RBFA: variants seen among roughly 807,000 people sequenced by gnomAD.
The protein encoded by RBFA is putative ribosome-binding factor A, mitochondrial.
Under a neutral mutation model 27.9 loss-of-function variants are expected in RBFA, and 16 were observed. The observed-to-expected ratio is 0.57, with a 90% CI of 0.39 to 0.87. RBFA has a LOEUF of 0.87. Among genes scored for constraint, RBFA ranks in the 40% least tolerant of loss-of-function variants. RBFA has a pLI of 0.00. For synonymous variants in RBFA, 181 were observed against 181.0 expected, an observed-to-expected ratio of 1.00 and a Z score of 0.00; for missense variants, 456 against 432.1, an observed-to-expected ratio of 1.06 and a Z score of -0.49.
At position 80,045,689 on chromosome 18, in the gene RBFA, G is replaced by C. The variant is rs150971697; in HGVS notation, c.651-85G>C. 11,967 of 1,422,002 alleles carry C rather than the reference G, an allele frequency of 8.4e-3. 66 individuals are homozygous for C. Among genetic ancestry groups the C allele is most frequent in the Non-Finnish European group, 9.5e-3 (10,119 of 1,070,194 alleles). 88.1% of individuals were successfully genotyped at this position (1,422,002 alleles called of 1,614,324 possible). ...TCTCAGGCGAGTAGATGTAGGAAGT[G>C]TGATGTGCTGTTGTGTTGTGGCGAC... is the stretch of plus-strand genomic sequence containing the variant. On this transcript the variant is annotated intron_variant, in intron 6 of 6. Coordinates refer to ENST00000306735, the MANE Select transcript of RBFA (RefSeq NM_024805.3).
intron 5 of RBFA, among the ~76,000 whole-genome samples, chr18:80,043,457 C>A (rs2052029918): frequency 6.6e-6 from 1 of 152,194 alleles, no homozygotes; most frequent in African/African-American, 2.4e-5. Context: ...CAGTTCAGGT[C>A]ATGGCAGTGT....
At chr18:80,036,787 G>A in intron 2 of RBFA, 77 bp downstream of exon 2, 1 of 1,069,932 alleles carries the variant, frequency 9.3e-7, no homozygotes, top group Admixed American at 1.9e-5. Context: ...CTTACCTGGA[G>A]GTCTTTCCAT....
rs186528215 is a variant in RBFA, at chr18:80,034,683, G to A, written c.158+30G>A. The A allele has an allele frequency of 2.9e-5, 46 of 1,603,906 alleles. No individual in the cohort carries two copies. The East Asian group carries it at 9.9e-4, about 34-fold the overall frequency. On this transcript the variant is annotated intron_variant, in intron 1 of 6. Transcript: ENST00000306735. Reference sequence around the variant, plus strand: ...TGCGGCGGGGGCGGTGTCCCTGGGCGCGGTATTCCCTAGGGGGCGGTGTCC... The same window carrying A: ...TGCGGCGGGGGCGGTGTCCCTGGGCACGGTATTCCCTAGGGGGCGGTGTCC...
intron 6 of RBFA, among the ~76,000 whole-genome samples, chr18:80,044,546 A>G (rs902022370): frequency 1.3e-5 from 2 of 152,222 alleles, no homozygotes; most frequent in Non-Finnish European, 2.9e-5. Flanking sequence ...CTCTTCGTTC[A>G]TTCAACACAT....
At position 80,034,555 on chromosome 18, in the gene RBFA, T is replaced by C; in HGVS notation, c.60T>C (p.Arg20=). The part of the protein sequence containing the change: ...RSRAGLRALF[R]SRDAALFPGC... ...GCGCGGGTCTCCGGGCCCTGTTCCG[T>C]AGCCGCGATGCTGCGCTATTTCCAG... Residue 20 remains arginine, a synonymous_variant, in exon 1 of 7, where the codon CGT becomes CGC. Transcript: ENST00000306735. The C allele has an allele frequency of 6.2e-7, 1 of 1,608,718 alleles. No homozygotes were observed. Among genetic ancestry groups the C allele is most frequent in the Non-Finnish European group, 8.5e-7 (1 of 1,178,946 alleles).
chr18:80,045,916 C>T lies in RBFA; in HGVS notation c.793C>T (p.Gln265Ter), dbSNP rs1305144212. The change falls in exon 7 of 7, where the codon CAG becomes TAG. Residue 265 changes from glutamine (Q) to a stop codon, truncating the protein, a stop_gained. Coordinates refer to ENST00000306735, the MANE Select transcript of RBFA (RefSeq NM_024805.3). LOFTEE classifies it low-confidence loss of function (END_TRUNC). The stretch of plus-strand genomic sequence containing the variant: ...TAAAGGGCTCGGGGGCCTGGTGTGG[C>T]AGGGGCAGGTGGCTGAGCTGACAAC... ...KDKGLGGLVW[Q>*]GQVAELTTQM... 6.2e-7 allele frequency: 1 copy of T among 1,613,402 alleles called. No individual in the cohort carries two copies. The highest frequency in any genetic ancestry group is 1.3e-5 in the African/African-American group (1 of 74,966).
At chr18:80,034,754 C>G in intron 1 of RBFA, 101 bp downstream of exon 1, 3 of 1,491,020 alleles carry the variant, frequency 2.0e-6, no homozygotes, top group Non-Finnish European at 2.7e-6. Flanking sequence ...CCCATGCGGC[C>G]TAGCTCGCCA....
rs181834098 is a variant in RBFA, at chr18:80,038,239, C to T, written c.379-266C>T. Among the ~76,000 whole-genome samples the T allele has an allele frequency of 2.0e-5, 3 of 152,214 alleles. No homozygotes were observed. The East Asian group carries it at 5.8e-4, about 29-fold the overall frequency. On this transcript the variant is annotated intron_variant, in intron 3 of 6. Transcript: ENST00000306735. ...TCAGGGCAAGTGGCTGTGAGGCAAG[C>T]GTGGGGTCAGGGTTCCGGTTTGGTT...
chr18:80,035,000 T>C, intron 1 of RBFA: 1 of 279,874 alleles, frequency 3.6e-6, no homozygotes, highest in Non-Finnish European at 6.7e-6. Flanking sequence ...GACTAAAGCT[T>C]GTCATGATAA....
intron 2 of RBFA, 165 bp from the exon 3 acceptor site, chr18:80,037,165 A>G (rs1164288488): frequency 2.7e-5 from 15 of 547,314 alleles, no homozygotes; most frequent in Non-Finnish European, 4.5e-5. Flanking sequence ...ATTTAAAAGG[A>G]TCCCGGTTTA....
At chr18:80,035,352 C>T (rs1232906528) in intron 1 of RBFA, 1 of 152,486 alleles carries the variant, frequency 6.6e-6, no homozygotes, top group Non-Finnish European at 1.5e-5. Flanking sequence ...ACCCAAGGTC[C>T]ACGTTACATT....
chr18:80,042,980 G>T (rs114226396), intron 5 of RBFA, among the ~76,000 whole-genome samples: 1 of 152,050 alleles, frequency 6.6e-6, no homozygotes, highest in Non-Finnish European at 1.5e-5. Flanking sequence ...GCCCTCCCAC[G>T]CCTGTCTCCC....
At chr18:80,044,174 A>T in intron 5 of RBFA, 38 bp from the exon 6 acceptor site, 5 of 1,554,752 alleles carry the variant, frequency 3.2e-6, no homozygotes, top group Non-Finnish European at 4.4e-6. Flanking sequence ...GGTGGTGGGG[A>T]TGTGGCTAAC....
At chr18:80,035,792 A>G (rs372308798) in intron 1 of RBFA, 5 of 152,278 alleles carry the variant, frequency 3.3e-5, no homozygotes, top group South Asian at 4.2e-4. Context: ...CCAAGAACTC[A>G]TGGGTTATAA....
At position 80,046,210 on chromosome 18, in the gene RBFA, C is replaced by A; in HGVS notation, c.*55C>A. On this transcript the variant is annotated 3_prime_UTR_variant, in exon 7 of 7. Coordinates refer to ENST00000306735, the MANE Select transcript of RBFA (RefSeq NM_024805.3). The stretch of plus-strand genomic sequence containing the variant: ...CAGGGAAAAGCATTGGCACGCAACG[C>A]AGCATGTGGCTTCATTGAGGCAGTT... The A allele has an allele frequency of 6.4e-7, 1 of 1,556,944 alleles. No individual in the cohort carries two copies. The highest frequency in any genetic ancestry group is 8.7e-7 in the Non-Finnish European group (1 of 1,148,192).
chr18:80,040,561 G>T (rs879779769), intron 4 of RBFA, among the ~76,000 whole-genome samples: 6 of 152,124 alleles, frequency 3.9e-5, no homozygotes, highest in Admixed American at 6.5e-5. Flanking sequence ...TTGTATTTCA[G>T]TGAGAGGAAG....
Position 80,037,516 on chromosome 18 carries a change from G to A in RBFA, c.378+10G>A. On this transcript the variant is annotated intron_variant, in intron 3 of 6. Transcript: ENST00000306735. Reference sequence around the variant, plus strand: ...CGTGGAGCTCTCCAAGGTAGGCTGTGTGGCCAAAGAGAAGAAATGGGTTGA... The same window carrying A: ...CGTGGAGCTCTCCAAGGTAGGCTGTATGGCCAAAGAGAAGAAATGGGTTGA... 6.3e-7 allele frequency: 1 copy of A among 1,594,786 alleles called. No individual in the cohort carries two copies. Among genetic ancestry groups the A allele is most frequent in the Non-Finnish European group, 8.6e-7 (1 of 1,165,278 alleles).
intron 2 of RBFA, 75 bp from the exon 3 acceptor site, chr18:80,037,255 C>A (rs1223094650): frequency 7.4e-7 from 1 of 1,342,598 alleles, no homozygotes; most frequent in South Asian, 1.3e-5. Flanking sequence ...AGCCCTCCCC[C>A]AGCCCCTGCT....
At position 80,038,540 on chromosome 18, in the gene RBFA, G is replaced by A. The variant is rs148175401; in HGVS notation, c.414G>A (p.Ala138=). Reference sequence around the variant, plus strand: ...CTCCAGACTTCTCAGCCTGCCGAGCGTACTGGAAGACAACGCTCTCTGCTG... The same window carrying A: ...CTCCAGACTTCTCAGCCTGCCGAGCATACTGGAAGACAACGCTCTCTGCTG... ...SLTPDFSACR[A]YWKTTLSAEQ... is the part of the protein sequence containing the mutation. The change falls in exon 4 of 7, where the codon GCG becomes GCA. Residue 138 remains alanine, a synonymous_variant. Coordinates refer to ENST00000306735, the MANE Select transcript of RBFA (RefSeq NM_024805.3). 67 of 1,613,914 alleles carry A rather than the reference G, an allele frequency of 4.2e-5. No homozygotes were observed. The highest frequency in any genetic ancestry group is 8.8e-5 in the South Asian group (8 of 91,068).
Sources: gnomAD v4.1 joint callset for allele counts (sites outside exome capture counted in the v4.1 genomes callset) on GRCh38, gnomAD v4.1.1 for gene constraint, MANE v1.5 for transcripts, NCBI Gene and HGNC (gene_info 2026-07-23, HGNC 2026-07-21) for gene names.